Variants in STK32A observed in about 807,000 individuals in gnomAD.
STK32A encodes serine/threonine kinase 32A.
In STK32A, 41 loss-of-function variants were observed where a neutral mutation model predicts 53.2. That is an observed-to-expected ratio of 0.77 (90% confidence interval 0.60 to 1.00). The LOEUF is 1.00. Ranked by LOEUF, STK32A falls within the 50% of genes least tolerant of loss-of-function variation. The pLI is 0.00. For synonymous variants in STK32A, 166 were observed against 162.8 expected (o/e 1.02, Z -0.15); for missense variants, 458 against 485.8 (o/e 0.94, Z 0.54).
intron 11 of STK32A, among the ~76,000 whole-genome samples, chr5:147,380,316 G>A (rs753256318): frequency 5.9e-5 from 9 of 152,126 alleles, no homozygotes; most frequent in Non-Finnish European, 1.2e-4. Flanking sequence ...CCGTTTGCAA[G>A]TAAGAGTGAA....
intron 9 of STK32A, 50 bp downstream of exon 9, chr5:147,370,820 T>C (rs1756977214): frequency 1.6e-6 from 2 of 1,231,848 alleles, no homozygotes; most frequent in Admixed American, 1.7e-5. Context: ...GGAAGCAGGC[T>C]CTCTGGCTTA....
In STK32A at chr5:147,351,053, C is replaced by T. The variant is rs1755950758; in HGVS notation, c.473-12C>T. 1.7e-5 allele frequency: 28 copies of T among 1,612,500 alleles called. No homozygotes were observed. The highest frequency in any genetic ancestry group is 2.4e-5 in the Non-Finnish European group (28 of 1,178,760). ...GGACTTAACTTTCTGTGTGGTTCTT[C>T]TCTCTCTGCAGGGCACGTGCACATC... On this transcript the variant is annotated splice_polypyrimidine_tract_variant and intron_variant, in intron 6 of 12. Coordinates refer to ENST00000397936, the MANE Select transcript of STK32A (RefSeq NM_001112724.2).
At chr5:147,276,939 T>C (rs898255918) in intron 2 of STK32A, among the ~76,000 whole-genome samples, 5 of 152,192 alleles carry the variant, frequency 3.3e-5, no homozygotes, top group African/African-American at 1.2e-4. Context: ...ATTTGTAATA[T>C]ACATGCTGCC....
chr5:147,370,549 A>T (rs1756961593), intron 8 of STK32A, 105 bp from the exon 9 acceptor site: 1 of 667,972 alleles, frequency 1.5e-6, no homozygotes, highest in African/African-American at 1.8e-5. Flanking sequence ...TTAGAAATTG[A>T]TATAGATATT....
At chr5:147,276,197 A>G (rs1479468582) in intron 2 of STK32A, among the ~76,000 whole-genome samples, 1 of 152,222 alleles carries the variant, frequency 6.6e-6, no homozygotes, top group Non-Finnish European at 1.5e-5. Context: ...GAGAAAACTT[A>G]CTGAAGTGTT....
chr5:147,302,357 C>T (rs926162802), intron 4 of STK32A, among the ~76,000 whole-genome samples: 2 of 152,040 alleles, frequency 1.3e-5, no homozygotes, highest in African/African-American at 4.8e-5. Flanking sequence ...GGACAAGCCC[C>T]CCAGGAAACA....
At chr5:147,373,374 T>C (rs1281831896) in intron 10 of STK32A, 80 bp downstream of exon 10, 1 of 1,552,194 alleles carries the variant, frequency 6.4e-7, no homozygotes, top group East Asian at 2.3e-5. Context: ...ATTGTCTCAT[T>C]AGATAATCAC....
intron 8 of STK32A, among the ~76,000 whole-genome samples, chr5:147,362,784 C>T (rs1756567124): frequency 6.6e-6 from 1 of 152,142 alleles, no homozygotes; most frequent in Non-Finnish European, 1.5e-5. Context: ...AGCTATGTAC[C>T]TATAAAAGCA....
At chr5:147,290,665 A>T (rs1007772391) in intron 4 of STK32A, among the ~76,000 whole-genome samples, 4 of 152,308 alleles carry the variant, frequency 2.6e-5, no homozygotes, top group African/African-American at 9.6e-5. Flanking sequence ...AAATTAGGAC[A>T]CCAGATCATC....
At chr5:147,319,812 C>G (rs575374713) in intron 4 of STK32A, among the ~76,000 whole-genome samples, 1 of 152,282 alleles carries the variant, frequency 6.6e-6, no homozygotes, top group South Asian at 2.1e-4. Context: ...ATGAACTGTT[C>G]TATCATTTTA....
intron 2 of STK32A, among the ~76,000 whole-genome samples, chr5:147,276,514 A>C (rs1755268078): frequency 6.6e-6 from 1 of 152,220 alleles, no homozygotes; most frequent in South Asian, 2.1e-4. Flanking sequence ...CATATTTATA[A>C]GAAGTAATTG....
At chr5:147,398,571 G>T in the STK32A span, among the ~76,000 whole-genome samples, 1 of 152,158 alleles carries the variant, frequency 6.6e-6, no homozygotes, top group African/African-American at 2.4e-5. Flanking sequence ...TTTCTGTTAG[G>T]TACTGCACTT....
At chr5:147,351,803 C>T (rs1188560068) in intron 7 of STK32A, among the ~76,000 whole-genome samples, 3 of 152,024 alleles carry the variant, frequency 2.0e-5, no homozygotes, top group Non-Finnish European at 2.9e-5. Flanking sequence ...GTCGAGATCG[C>T]GCCATTGCAC....
intron 2 of STK32A, among the ~76,000 whole-genome samples, chr5:147,264,788 A>G (rs970312740): frequency 3.9e-5 from 6 of 152,148 alleles, no homozygotes; most frequent in African/African-American, 7.2e-5. Context: ...AGATCACCCA[A>G]TGCATATCTA....
chr5:147,398,808 T>C, the STK32A span, among the ~76,000 whole-genome samples: 1 of 152,216 alleles, frequency 6.6e-6, no homozygotes, highest in Non-Finnish European at 1.5e-5. Context: ...CACCAGGTCA[T>C]GTTCCCCTGT....
chr5:147,374,001 A>G (rs533561548), intron 10 of STK32A, among the ~76,000 whole-genome samples: 1 of 152,232 alleles, frequency 6.6e-6, no homozygotes, highest in African/African-American at 2.4e-5. Context: ...GAACCAATTC[A>G]GTTTTCTGTT....
intron 2 of STK32A, among the ~76,000 whole-genome samples, chr5:147,245,154 G>A (rs186051945): frequency 3.2e-4 from 48 of 152,196 alleles, no homozygotes; most frequent in African/African-American, 1.1e-3. Context: ...TCCCCCTGAG[G>A]TTATTGTATT....
At chr5:147,268,243 A>T (rs1581016019) in intron 2 of STK32A, among the ~76,000 whole-genome samples, 1 of 152,194 alleles carries the variant, frequency 6.6e-6, no homozygotes, top group East Asian at 1.9e-4. Flanking sequence ...CCTTCCTGAT[A>T]ATCCAATGCA....
In STK32A at chr5:147,240,238, T is replaced by C. The variant is rs76809942; in HGVS notation, c.52+552T>C. 8.5e-3 allele frequency: 1,295 copies of C among 152,596 alleles called. 21 individuals are homozygous for C. Among genetic ancestry groups the C allele is most frequent in the Non-Finnish European group, 0.012 (800 of 68,262 alleles). The allele number at this position is 152,596 out of a possible 1,614,324, so 9.5% of individuals were successfully genotyped here. A position where few individuals can be genotyped will look rare whatever the true frequency, so the allele number is the denominator to read the frequency against. On this transcript the variant is annotated intron_variant, in intron 2 of 12. Coordinates refer to ENST00000397936, the MANE Select transcript of STK32A (RefSeq NM_001112724.2). ...AGAATAAAGGCATGAGTCCTCCTGA[T>C]TCTCCCATCAGTGAGGCATGCTGGA...
Sources: gnomAD v4.1 joint callset for allele counts (sites outside exome capture counted in the v4.1 genomes callset) on GRCh38, gnomAD v4.1.1 for gene constraint, MANE v1.5 for transcripts, NCBI Gene and HGNC (gene_info 2026-07-23, HGNC 2026-07-21) for gene names.